MDN1: variants seen among roughly 807,000 people sequenced by gnomAD.
The protein encoded by MDN1 is midasin AAA ATPase 1.
MDN1 carries 266 observed loss-of-function variants against 669.2 expected under a neutral mutation model. The ratio of observed to expected loss-of-function variants is 0.40; its 90% CI spans 0.36 to 0.44. The LOEUF (loss-of-function observed/expected upper bound fraction) is 0.44, where lower values mean the gene tolerates loss of function less well. MDN1 is among the 20% of genes least tolerant of loss of function. MDN1 has a pLI of 1.00. For synonymous variants in MDN1, 2,385 were observed against 2,457.1 expected (o/e 0.97, Z 0.87); for missense variants, 5,940 against 6,754.0 (o/e 0.88, Z 4.22).
chr6:89,704,782 G>A (rs907479979), intron 53 of MDN1, among the ~76,000 whole-genome samples: 15 of 152,090 alleles, frequency 9.9e-5, no homozygotes, highest in Non-Finnish European at 2.1e-4. Context: ...GGGTTTCACC[G>A]TGTTAGCCAG....
chr6:89,772,854 C>A (rs183612611), intron 13 of MDN1, 133 bp from the exon 14 acceptor site: 146 of 974,870 alleles, frequency 1.5e-4, no homozygotes, highest in Non-Finnish European at 4.0e-5. Flanking sequence ...CAAGCTATAC[C>A]AGATAATCTT....
At chr6:89,711,948 G>C in intron 49 of MDN1, 88 bp downstream of exon 49, 1 of 1,199,804 alleles carries the variant, frequency 8.3e-7, no homozygotes, top group East Asian at 2.4e-5. Context: ...TAACAGTGTA[G>C]TCACAGATTA....
In MDN1 at chr6:89,708,980, T is replaced by TAAAA. The variant is rs369443893; in HGVS notation, c.7766-356_7766-353dup. Reference sequence around the variant, plus strand: ...AATTACACAGTGGTCACCATTAGCTTAAAAAAAAAAAAAAATACGTACATG... The same window carrying TAAAA: ...AATTACACAGTGGTCACCATTAGCTTAAAAAAAAAAAAAAAAAAATACGTACATG... On this transcript the variant is annotated intron_variant, in intron 50 of 101. Coordinates refer to ENST00000369393, the MANE Select transcript of MDN1 (RefSeq NM_014611.3). Among the ~76,000 whole-genome samples, 53 of 144,678 alleles carry TAAAA rather than the reference T, an allele frequency of 3.7e-4. 1 individual carries two copies. Among genetic ancestry groups the TAAAA allele is most frequent in the Admixed American group, 1.0e-3 (15 of 14,590 alleles). The allele number at this position is 144,678 out of a possible 152,430, so 94.9% of individuals were successfully genotyped here. A position where few individuals can be genotyped will look rare whatever the true frequency, so the allele number is the denominator to read the frequency against.
intron 45 of MDN1, among the ~76,000 whole-genome samples, 154 bp downstream of exon 45, chr6:89,715,499 G>A (rs1488129223): frequency 2.6e-5 from 4 of 152,174 alleles, no homozygotes; most frequent in African/African-American, 9.7e-5. Context: ...AAATAGTAAA[G>A]CCTCAGTAAG....
Position 89,730,742 on chromosome 6 carries a change from T to C in MDN1, c.5124A>G (p.Pro1708=). 1.2e-6 allele frequency: 2 copies of C among 1,612,942 alleles called. No homozygotes were observed. Among genetic ancestry groups the C allele is most frequent in the African/African-American group, 1.3e-5 (1 of 74,974 alleles). The change falls in exon 35 of 102, where the codon CCA becomes CCG. Residue 1708 remains proline (P), a synonymous_variant. Coordinates refer to ENST00000369393, the MANE Select transcript of MDN1 (RefSeq NM_014611.3). ...TGIDNLWGIH[P]FFIPRGPVLH... ...CATTCTTACCCCTTGGTATAAAAAA[T>C]GGATGAATTCCCCAAAGGTTATCTA...
At position 89,653,002 on chromosome 6, in the gene MDN1, G is replaced by A. The variant is rs369649115; in HGVS notation, c.15815C>T (p.Thr5272Met). Residue 5272 changes from threonine to methionine, a missense_variant, in exon 94 of 102, where the codon ACG becomes ATG. Thr to Met is a moderately conservative substitution (Grantham distance 81). This residue lies in a region of MDN1 where 2,280 missense variants were observed against 2,576.3 expected (regional missense o/e 0.88). Coordinates refer to ENST00000369393, the MANE Select transcript of MDN1 (RefSeq NM_014611.3). ...TGTGAGTTTTACTACCTGGAAGATCGTGTCCATGAGGAATTGATGAGCTGT... is the reference window on the plus strand; with the variant it reads ...TGTGAGTTTTACTACCTGGAAGATCATGTCCATGAGGAATTGATGAGCTGT... ...IHTAHQFLMD[T>M]IFQPFLKDVN... 40 of 1,612,912 alleles carry A rather than the reference G, an allele frequency of 2.5e-5. No homozygotes were observed. Among genetic ancestry groups the A allele is most frequent in the East Asian group, 4.5e-5 (2 of 44,872 alleles).
Position 89,714,490 on chromosome 6 carries a change from T to A in MDN1, c.7069+53A>T, listed in dbSNP as rs1814189776. On this transcript the variant is annotated intron_variant, in intron 46 of 101. Coordinates refer to ENST00000369393, the MANE Select transcript of MDN1 (RefSeq NM_014611.3). ...TGATGAGCAGTCCAATGGAATGACA[T>A]AAATTTCTTGAAGACTAAAACTCTG... 3.5e-6 allele frequency: 5 copies of A among 1,410,170 alleles called. No individual in the cohort carries two copies. The African/African-American group carries it at 4.3e-5, about 12-fold the overall frequency. The allele number at this position is 1,410,170 out of a possible 1,614,324, so 87.4% of individuals were successfully genotyped here. A position where few individuals can be genotyped will look rare whatever the true frequency, so the allele number is the denominator to read the frequency against.
At chr6:89,728,310 T>C (rs938671396) in intron 36 of MDN1, among the ~76,000 whole-genome samples, 6 of 152,168 alleles carry the variant, frequency 3.9e-5, no homozygotes, top group Admixed American at 6.5e-5. Context: ...TTTCCTTAGA[T>C]TGTTAAAAGT....
In MDN1 at chr6:89,662,808, C is replaced by T; in HGVS notation, c.14396G>A (p.Gly4799Glu). 1 of 1,614,014 alleles carries T rather than the reference C, an allele frequency of 6.2e-7. No homozygotes were observed. Among genetic ancestry groups the T allele is most frequent in the Non-Finnish European group, 8.5e-7 (1 of 1,179,988 alleles). The change falls in exon 86 of 102, where the codon GGA becomes GAA. Residue 4799 changes from glycine to glutamate, a missense_variant. This residue lies in a region of MDN1 where 2,280 missense variants were observed against 2,576.3 expected (regional missense o/e 0.88). Coordinates refer to ENST00000369393, the MANE Select transcript of MDN1 (RefSeq NM_014611.3). ...EEEDNKTEET[G>E]PGMDEEDSEL... ...TTGAATTACCTCATCCATTCCTGGT[C>T]CTGTTTCTTCAGTTTTATTGTCTTC...
At chr6:89,739,586 T>G (rs1012764853) in intron 32 of MDN1, among the ~76,000 whole-genome samples, 1 of 152,220 alleles carries the variant, frequency 6.6e-6, no homozygotes, top group Non-Finnish European at 1.5e-5. Flanking sequence ...TTCCTAACTT[T>G]AACAGACTGG....
chr6:89,713,393 C>T, intron 46 of MDN1, 97 bp from the exon 47 acceptor site: 1 of 1,066,202 alleles, frequency 9.4e-7, no homozygotes, highest in Non-Finnish European at 1.4e-6. Flanking sequence ...TCCTTCCTGT[C>T]AACCCCACCC....
In MDN1 at chr6:89,781,606, A is replaced by T; in HGVS notation, c.1450-14T>A. ...GCTCTGAAGAACCTGACAGAGGGGG[A>T]AAAAAAAGAAAATTTAACAGCCAGC... On this transcript the variant is annotated splice_polypyrimidine_tract_variant and intron_variant, in intron 9 of 101. Transcript: ENST00000369393. 1.3e-6 allele frequency: 2 copies of T among 1,526,118 alleles called. No homozygotes were observed. The highest frequency in any genetic ancestry group is 2.5e-5 in the South Asian group (2 of 80,336). 94.5% of individuals were successfully genotyped at this position (1,526,118 alleles called of 1,614,324 possible). A position where few individuals can be genotyped will look rare whatever the true frequency, so the allele number is the denominator to read the frequency against.
At chr6:89,809,933 G>A (rs1413664988) in intron 1 of MDN1, among the ~76,000 whole-genome samples, 1 of 136,816 alleles carries the variant, frequency 7.3e-6, no homozygotes, top group African/African-American at 2.7e-5. Flanking sequence ...AGAGGCTGCA[G>A]TGAGCCATGA....
chr6:89,736,797 C>T (rs1212861771), intron 33 of MDN1, among the ~76,000 whole-genome samples: 4 of 152,202 alleles, frequency 2.6e-5, no homozygotes, highest in Non-Finnish European at 4.4e-5. Flanking sequence ...CTCCCCACAA[C>T]CCCCCAGAAA....
rs988505341 is a variant in MDN1 at position 89,706,086 on chromosome 6, T to C, written c.8121A>G (p.Gly2707=). The change falls in exon 53 of 102, where the codon GGA becomes GGG. Residue 2707 remains glycine, a synonymous_variant. Transcript: ENST00000369393. ...CATTGGCACTGGCATCAGACACCAT[T>C]CCCTGGGAGGACTGTACCCAGAGCA... ...LVLLWVQSSQ[G]MVSDASANEI... 1.5e-5 allele frequency: 24 copies of C among 1,609,252 alleles called. No individual in the cohort carries two copies. The East Asian group carries it at 4.9e-4, about 33-fold the overall frequency.
At chr6:89,711,529 G>A (rs981796852) in intron 49 of MDN1, among the ~76,000 whole-genome samples, 1 of 151,926 alleles carries the variant, frequency 6.6e-6, no homozygotes, top group Non-Finnish European at 1.5e-5. Context: ...GGGCCTTAGC[G>A]TCCACGTATG....
rs764516385 is a variant in MDN1 at position 89,743,463 on chromosome 6, C to A, written c.4317+113G>T. The stretch of plus-strand genomic sequence containing the variant: ...GCCCTTGTAGACCAGAGAAAATCTG[C>A]AGATATGCACATTTAACCAAACCAG... On this transcript the variant is annotated intron_variant, in intron 30 of 101. Transcript: ENST00000369393. The A allele has an allele frequency of 5.5e-4, 750 of 1,366,818 alleles. 2 individuals are homozygous for A. Among genetic ancestry groups the A allele is most frequent in the Non-Finnish European group, 7.0e-4 (693 of 993,226 alleles). 84.7% of individuals were successfully genotyped at this position (1,366,818 alleles called of 1,614,324 possible).
At chr6:89,670,167 T>TAA (rs1810615699) in intron 83 of MDN1, among the ~76,000 whole-genome samples, 1 of 21,242 alleles carries the variant, frequency 4.7e-5, no homozygotes, top group African/African-American at 1.9e-4. Flanking sequence ...TATATATATA[T>TAA]ATATTTTTTT....
At chr6:89,650,687 C>A in intron 96 of MDN1, 45 bp downstream of exon 96, 1 of 1,432,172 alleles carries the variant, frequency 7.0e-7, no homozygotes, top group South Asian at 1.2e-5. Flanking sequence ...ATGAAGCTGC[C>A]GTCTTCTCAG....
Sources: allele counts gnomAD v4.1 joint callset (sites outside exome capture counted in the v4.1 genomes callset), GRCh38; gene constraint gnomAD v4.1.1; regional missense constraint gnomAD v4.1.1; transcripts MANE v1.5; gene names NCBI Gene and HGNC (gene_info 2026-07-23, HGNC 2026-07-21).